The following DOCK3 variants were observed in gnomAD, a reference collection of about 807,000 sequenced individuals.
DOCK3 encodes dedicator of cytokinesis protein 3.
A neutral mutation model predicts 265.6 loss-of-function variants in DOCK3; 60 were observed. The observed-to-expected ratio is 0.23, with a 90% CI of 0.18 to 0.28. DOCK3 has a LOEUF of 0.28. Ranked by LOEUF, DOCK3 falls within the 10% of genes least tolerant of loss-of-function variation. The pLI, the probability that DOCK3 is intolerant of heterozygous loss-of-function variation, is 1.00. For synonymous variants in DOCK3, 881 were observed against 938.0 expected, an observed-to-expected ratio of 0.94 and a Z score of 1.11; for missense variants, 1,981 against 2,594.3, an observed-to-expected ratio of 0.76 and a Z score of 5.14.
intron 5 of DOCK3, among the ~76,000 whole-genome samples, chr3:51,012,427 G>T (rs1362333841): frequency 2.6e-5 from 4 of 152,148 alleles, no homozygotes; most frequent in African/African-American, 9.7e-5. Flanking sequence ...GAGGCTCTGT[G>T]GGTGTGGGAC....
intron 31 of DOCK3, 74 bp from the exon 32 acceptor site, chr3:51,314,906 G>A (rs2083284458): frequency 1.3e-6 from 2 of 1,490,404 alleles, no homozygotes; most frequent in Non-Finnish European, 1.8e-6. Context: ...TGTAGCATGT[G>A]TTGTGGCCCC....
chr3:51,079,056 C>T (rs759884252), intron 7 of DOCK3, among the ~76,000 whole-genome samples: 1 of 152,048 alleles, frequency 6.6e-6, no homozygotes, highest in Non-Finnish European at 1.5e-5. Flanking sequence ...CTTAAAAGTT[C>T]AAGATTCAAA....
chr3:50,730,456 CAGAA>C (rs2038127916), intron 1 of DOCK3, among the ~76,000 whole-genome samples: 1 of 152,124 alleles, frequency 6.6e-6, no homozygotes, highest in Non-Finnish European at 1.5e-5. Flanking sequence ...CAAACACTTT[CAGAA>C]AGCAACAGAG....
At chr3:50,955,827 A>G (rs72937300) in intron 5 of DOCK3, among the ~76,000 whole-genome samples, 3,120 of 152,254 alleles carry the variant, frequency 0.02, 107 homozygotes, top group African/African-American at 0.071. Flanking sequence ...GTACCCCTGA[A>G]TGGAAAACAA....
intron 51 of DOCK3, 85 bp from the exon 52 acceptor site, chr3:51,380,040 C>A: frequency 7.4e-7 from 1 of 1,342,886 alleles, no homozygotes; most frequent in Non-Finnish European, 1.0e-6. Context: ...CTTCTCATGC[C>A]TGCCCAGTTG....
intron 2 of DOCK3, among the ~76,000 whole-genome samples, chr3:50,793,352 CTTTTTCTTTTTT>C (rs369048027): frequency 5.6e-5 from 8 of 142,408 alleles, no homozygotes; most frequent in South Asian, 4.5e-4. Flanking sequence ...TTTTCTTTTT[CTTTTTCTTTTTT>C]TTTTTTTTTT....
intron 2 of DOCK3, among the ~76,000 whole-genome samples, chr3:50,812,628 G>A (rs1196501378): frequency 6.6e-6 from 1 of 152,200 alleles, no homozygotes; most frequent in Non-Finnish European, 1.5e-5. Flanking sequence ...GGCAGGCAGA[G>A]CAAATTCTCT....
chr3:51,018,484 C>T (rs2079451355), intron 5 of DOCK3, among the ~76,000 whole-genome samples: 1 of 149,274 alleles, frequency 6.7e-6, no homozygotes. Flanking sequence ...AAGAACACCT[C>T]ATTATAAGCT....
intron 5 of DOCK3, among the ~76,000 whole-genome samples, chr3:51,011,231 G>T (rs570171241): frequency 6.6e-6 from 1 of 152,058 alleles, no homozygotes; most frequent in Non-Finnish European, 1.5e-5. Flanking sequence ...ACTTGGTTCC[G>T]TTCTCCCCGT....
At chr3:50,741,723 C>T (rs1343582847) in intron 1 of DOCK3, among the ~76,000 whole-genome samples, 32 of 151,398 alleles carry the variant, frequency 2.1e-4, no homozygotes, top group African/African-American at 6.1e-4. Flanking sequence ...TGAATAGTGC[C>T]GCAATAAACA....
intron 5 of DOCK3, among the ~76,000 whole-genome samples, chr3:50,988,418 G>A (rs2077983670): frequency 6.6e-6 from 1 of 152,222 alleles, no homozygotes; most frequent in Non-Finnish European, 1.5e-5. Flanking sequence ...AGAGGGAGAG[G>A]TGGGCCACCA....
Position 51,357,004 on chromosome 3 carries a change from A to G in DOCK3, c.4546A>G (p.Asn1516Asp). Reference sequence around the variant, plus strand: ...GGAGAATGCCATCCAAGTGGTTGAGAATAAGAACCAGGAGCTACGCTCCCT... The same window carrying G: ...GGAGAATGCCATCCAAGTGGTTGAGGATAAGAACCAGGAGCTACGCTCCCT... Reference protein sequence around the residue: ...PLENAIQVVENKNQELRSLIS... With the variant: ...PLENAIQVVEDKNQELRSLIS... The change falls in exon 44 of 53, where the codon AAT becomes GAT. Residue 1516 changes from asparagine (N) to aspartate (D), a missense_variant. Physicochemically the swap from Asn to Asp is conservative, Grantham distance 23 (BLOSUM62 1). Transcript: ENST00000266037. 6.2e-7 allele frequency: 1 copy of G among 1,613,530 alleles called. No individual in the cohort carries two copies. The highest frequency in any genetic ancestry group is 2.2e-5 in the East Asian group (1 of 44,878).
At chr3:51,217,658 A>AT (rs907243893) in intron 14 of DOCK3, among the ~76,000 whole-genome samples, 9 of 152,114 alleles carry the variant, frequency 5.9e-5, no homozygotes, top group African/African-American at 1.9e-4. Context: ...CCTTTTCTTG[A>AT]TTTTTTTTAA....
intron 5 of DOCK3, among the ~76,000 whole-genome samples, chr3:51,014,119 C>T (rs971038909): frequency 6.6e-6 from 1 of 152,194 alleles, no homozygotes; most frequent in Non-Finnish European, 1.5e-5. Flanking sequence ...CCTTGAGCTT[C>T]CTGGGTGGGG....
At chr3:50,689,129 T>C (rs752944021) in intron 1 of DOCK3, among the ~76,000 whole-genome samples, 3 of 152,232 alleles carry the variant, frequency 2.0e-5, no homozygotes, top group Admixed American at 6.5e-5. Context: ...TGCCACTCAC[T>C]GATAGGGTTT....
At chr3:50,833,945 GT>G (rs1193862611) in intron 2 of DOCK3, among the ~76,000 whole-genome samples, 15 of 152,164 alleles carry the variant, frequency 9.9e-5, no homozygotes, top group African/African-American at 3.6e-4. Flanking sequence ...TCACTTAATT[GT>G]TAAAAGCTGT....
Position 51,026,971 on chromosome 3 carries a change from G to A in DOCK3, c.316-37477G>A, listed in dbSNP as rs113070649. Among the ~76,000 whole-genome samples, 7 of 151,540 alleles carry A rather than the reference G, an allele frequency of 4.6e-5. 2 individuals are homozygous for A. The highest frequency in any genetic ancestry group is 1.7e-4 in the African/African-American group (7 of 41,320). ...TGGTTGCTATTTTGTTCAGTTCTCT[G>A]ATTTTAGGTATTTCTTTTCTTCTGC... On this transcript the variant is annotated intron_variant, in intron 5 of 52. Transcript: ENST00000266037.
chr3:51,341,935 G>A (rs1271217650), intron 38 of DOCK3, among the ~76,000 whole-genome samples: 1 of 152,192 alleles, frequency 6.6e-6, no homozygotes, highest in Non-Finnish European at 1.5e-5. Context: ...ACTGGTTTAG[G>A]CTTCCTTGGG....
intron 5 of DOCK3, among the ~76,000 whole-genome samples, chr3:50,946,546 T>C (rs2108279645): frequency 6.6e-6 from 1 of 152,336 alleles, no homozygotes; most frequent in Middle Eastern, 3.4e-3. Context: ...CAGAATCTTC[T>C]TCCTTGTTAA....
Sources: allele counts gnomAD v4.1 joint callset (sites outside exome capture counted in the v4.1 genomes callset), GRCh38; gene constraint gnomAD v4.1.1; transcripts MANE v1.5; gene names NCBI Gene and HGNC (gene_info 2026-07-23, HGNC 2026-07-21).